SEMA5A: variants seen among roughly 807,000 people sequenced by gnomAD.
The protein encoded by SEMA5A is semaphorin 5A.
A neutral mutation model predicts 135.5 loss-of-function variants in SEMA5A; 55 were observed. The observed-to-expected ratio is 0.41, with a 90% CI of 0.33 to 0.51. The LOEUF is 0.51. Among genes scored for constraint, SEMA5A ranks in the 20% least tolerant of loss-of-function variants. The probability of loss-of-function intolerance (pLI) is 0.37; values close to 1 mark genes in which losing one functional copy is unlikely to be tolerated. For synonymous variants in SEMA5A, 580 were observed against 546.5 expected, an observed-to-expected ratio of 1.06 and a Z score of -0.85; for missense variants, 1,290 against 1,419.9, an observed-to-expected ratio of 0.91 and a Z score of 1.47.
At chr5:9,164,568 A>G (rs145158908) in intron 11 of SEMA5A, among the ~76,000 whole-genome samples, 1 of 152,184 alleles carries the variant, frequency 6.6e-6, no homozygotes, top group East Asian at 1.9e-4. Flanking sequence ...CCACCTTTAT[A>G]TGTAGTTCTG....
intron 1 of SEMA5A, among the ~76,000 whole-genome samples, chr5:9,507,149 T>A (rs1468067263): frequency 1.3e-5 from 2 of 152,224 alleles, no homozygotes; most frequent in East Asian, 3.9e-4. Context: ...TCATGTTTTC[T>A]CACTGTAATA....
intron 16 of SEMA5A, among the ~76,000 whole-genome samples, chr5:9,088,657 T>TAC (rs1378244247): frequency 4.5e-5 from 4 of 88,092 alleles, no homozygotes; most frequent in Non-Finnish European, 9.8e-5. Flanking sequence ...TATATATATA[T>TAC]ATACACACAC....
intron 6 of SEMA5A, among the ~76,000 whole-genome samples, chr5:9,235,017 GTTC>G (rs1400034965): frequency 6.6e-6 from 1 of 152,186 alleles, no homozygotes; most frequent in East Asian, 1.9e-4. Flanking sequence ...ACGTGGGCTA[GTTC>G]TTCTTCAGCA....
intron 1 of SEMA5A, among the ~76,000 whole-genome samples, chr5:9,467,119 CTTTTT>C (rs377123678): frequency 6.7e-6 from 1 of 149,870 alleles, no homozygotes; most frequent in Non-Finnish European, 1.5e-5. Context: ...ATGAATTGTT[CTTTTT>C]TTTTTTGAGA....
intron 14 of SEMA5A, 36 bp downstream of exon 14, chr5:9,122,620 C>A: frequency 6.8e-7 from 1 of 1,465,064 alleles, no homozygotes; most frequent in South Asian, 1.5e-5. Flanking sequence ...GAGTTTAATA[C>A]ACAGCAGCAC....
In SEMA5A at chr5:9,197,152, G is replaced by GC. The variant is rs774223907; in HGVS notation, c.1068+15dup. ...TGGGGGATGCCAACAGTGCCCCTTT[G>GC]CCCCCCGAAAATTACCTGGAAGTGG... is the stretch of plus-strand genomic sequence containing the variant. On this transcript the variant is annotated intron_variant, in intron 10 of 22. Transcript: ENST00000382496. 1 of 1,614,012 alleles carries GC rather than the reference G, an allele frequency of 6.2e-7. No individual in the cohort carries two copies.
intron 1 of SEMA5A, among the ~76,000 whole-genome samples, chr5:9,519,390 T>A (rs190130353): frequency 3.9e-5 from 6 of 152,222 alleles, no homozygotes; most frequent in Non-Finnish European, 7.3e-5. Flanking sequence ...AACAGCGAAG[T>A]ATGTCCCTAA....
At chr5:9,059,482 T>A (rs1561111816) in intron 18 of SEMA5A, among the ~76,000 whole-genome samples, 1 of 152,278 alleles carries the variant, frequency 6.6e-6, no homozygotes, top group Non-Finnish European at 1.5e-5. Context: ...AGTTTATTTA[T>A]ACACATCAGT....
intron 4 of SEMA5A, among the ~76,000 whole-genome samples, chr5:9,326,088 A>T (rs1482149372): frequency 6.6e-6 from 1 of 152,196 alleles, no homozygotes; most frequent in Non-Finnish European, 1.5e-5. Flanking sequence ...AGAGCTGACC[A>T]GTCTCTCCTG....
chr5:9,258,803 CTTTTTTTTT>C (rs748703578), intron 5 of SEMA5A, among the ~76,000 whole-genome samples: 12 of 48,990 alleles, frequency 2.4e-4, no homozygotes, highest in South Asian at 2.0e-3. Flanking sequence ...TTCTTTCTTT[CTTTTTTTTT>C]TTTTTTTTTT....
At chr5:9,535,197 CAA>C (rs3834272) in intron 1 of SEMA5A, among the ~76,000 whole-genome samples, 39,211 of 152,120 alleles carry the variant, frequency 0.26, 5,355 homozygotes, top group Non-Finnish European at 0.31. Flanking sequence ...AAAAACTGTT[CAA>C]AGTTAAGTAA....
chr5:9,278,349 T>C (rs1750370976), intron 5 of SEMA5A, among the ~76,000 whole-genome samples: 1 of 152,140 alleles, frequency 6.6e-6, no homozygotes, highest in African/African-American at 2.4e-5. Flanking sequence ...TTTCTAAAAG[T>C]GTATGTTCAT....
At chr5:9,207,467 G>A (rs972852457) in intron 8 of SEMA5A, among the ~76,000 whole-genome samples, 1 of 152,154 alleles carries the variant, frequency 6.6e-6, no homozygotes, top group South Asian at 2.1e-4. Flanking sequence ...TTATAGGCAT[G>A]AGCCACTGCC....
At chr5:9,353,971 G>C (rs2126320620) in intron 3 of SEMA5A, among the ~76,000 whole-genome samples, 1 of 132,056 alleles carries the variant, frequency 7.6e-6, no homozygotes, top group African/African-American at 2.9e-5. Context: ...AAAAGCACGT[G>C]TTAAAAAAAA....
intron 16 of SEMA5A, among the ~76,000 whole-genome samples, chr5:9,077,274 A>G (rs933430827): frequency 6.6e-5 from 10 of 152,188 alleles, no homozygotes; most frequent in South Asian, 2.1e-4. Context: ...CACCCAGTGC[A>G]TGTATTTGGA....
intron 3 of SEMA5A, among the ~76,000 whole-genome samples, chr5:9,341,666 AATATATATT>A (rs967209577): frequency 1.3e-5 from 1 of 77,908 alleles, no homozygotes; most frequent in Non-Finnish European, 3.3e-5. Flanking sequence ...TAATATATAT[AATATATATT>A]ATATATATAT....
chr5:9,246,792 A>C (rs1391072047), intron 5 of SEMA5A, among the ~76,000 whole-genome samples: 1 of 152,170 alleles, frequency 6.6e-6, no homozygotes, highest in Non-Finnish European at 1.5e-5. Context: ...AGGAAAACAC[A>C]ACTTGATATA....
intron 8 of SEMA5A, among the ~76,000 whole-genome samples, chr5:9,216,666 G>A (rs940391728): frequency 6.6e-6 from 1 of 152,184 alleles, no homozygotes; most frequent in Non-Finnish European, 1.5e-5. Flanking sequence ...GGGTGCTACT[G>A]TGTTGTGTGC....
At chr5:9,519,910 C>T (rs1030573701) in intron 1 of SEMA5A, 3 of 152,192 alleles carry the variant, frequency 2.0e-5, no homozygotes, top group African/African-American at 7.2e-5. Flanking sequence ...TTTTAATACT[C>T]CTAGACAATG....
Sources: gnomAD v4.1 joint callset for allele counts (sites outside exome capture counted in the v4.1 genomes callset) on GRCh38, gnomAD v4.1.1 for gene constraint, MANE v1.5 for transcripts, NCBI Gene and HGNC (gene_info 2026-07-23, HGNC 2026-07-21) for gene names.